PRH1: variants seen among roughly 807,000 people sequenced by gnomAD.
PRH1 encodes the protein proline rich protein HaeIII subfamily 1.
PRH1 carries 7 observed loss-of-function variants against 7.9 expected under a neutral mutation model. That is an observed-to-expected ratio of 0.89 (90% CI 0.50 to 1.67). PRH1 has a LOEUF of 1.67. Ranked by LOEUF, PRH1 falls within the 40% of genes most tolerant of loss-of-function variation. The probability of loss-of-function intolerance (pLI) is 0.00; values close to 1 mark genes in which losing one functional copy is unlikely to be tolerated. For missense variants in PRH1, 109 were observed against 223.6 expected, an observed-to-expected ratio of 0.49 and a Z score of 3.27; for synonymous variants, 45 against 80.8, an observed-to-expected ratio of 0.56 and a Z score of 2.38.
chr12:11,066,127 C>T (rs1212666339), intron 1 of PRH1, among the ~76,000 whole-genome samples: 3 of 151,762 alleles, frequency 2.0e-5, no homozygotes, highest in Admixed American at 1.3e-4. Context: ...GATTGAAGAA[C>T]TTTAAGTCTC....
intron 1 of PRH1, among the ~76,000 whole-genome samples, chr12:11,114,560 G>T (rs184309935): frequency 5.9e-5 from 9 of 152,084 alleles, no homozygotes; most frequent in African/African-American, 2.2e-4. Flanking sequence ...TGTAGATGAC[G>T]GGTTGATGGG....
intron 1 of PRH1, chr12:11,031,351 A>C: frequency 6.2e-7 from 1 of 1,608,388 alleles, no homozygotes; most frequent in South Asian, 1.1e-5. Context: ...AACAGACAAA[A>C]AAAAATTGTT....
At chr12:11,111,369 A>G (rs1286208370) in intron 1 of PRH1, among the ~76,000 whole-genome samples, 2 of 152,156 alleles carry the variant, frequency 1.3e-5, no homozygotes, top group Non-Finnish European at 2.9e-5. Context: ...GCACCACATC[A>G]CACTAATTCT....
intron 1 of PRH1, among the ~76,000 whole-genome samples, chr12:11,155,848 A>G (rs1947232138): frequency 6.6e-6 from 1 of 152,192 alleles, no homozygotes; most frequent in Non-Finnish European, 1.5e-5. Context: ...TCTCTTGGAT[A>G]TATAGCTAGA....
At chr12:11,021,950 T>C in intron 1 of PRH1, 1 of 1,613,900 alleles carries the variant, frequency 6.2e-7, no homozygotes, top group Non-Finnish European at 8.5e-7. Flanking sequence ...AGCCGCATCT[T>C]CTTGAGATGT....
At chr12:11,004,838 A>C (rs914146372) in intron 1 of PRH1, among the ~76,000 whole-genome samples, 1 of 152,148 alleles carries the variant, frequency 6.6e-6, no homozygotes, top group East Asian at 1.9e-4. Context: ...AGGATTGTTT[A>C]ACAACTCCTA....
chr12:11,084,178 G>A (rs899810658), intron 1 of PRH1, among the ~76,000 whole-genome samples: 1 of 118,366 alleles, frequency 8.4e-6, no homozygotes, highest in South Asian at 2.3e-4. Flanking sequence ...CCTTTGTTCC[G>A]TGGGCTCTTG....
chr12:11,121,111 C>A (rs2708338), exon 2 of PRH1: 69,777 of 152,986 alleles, frequency 0.46, 16,727 homozygotes, highest in Non-Finnish European at 0.53. Context: ...AGAAGAAGTT[C>A]CAAGGTTTAT....
chr12:11,048,805 T>A, upstream of PRH1: 1 of 295,544 alleles, frequency 3.4e-6, no homozygotes, highest in South Asian at 6.1e-5. Context: ...CCACACACTC[T>A]CACCCGTGGT....
At chr12:11,161,292 C>T (rs936410301) in intron 1 of PRH1, among the ~76,000 whole-genome samples, 11 of 152,106 alleles carry the variant, frequency 7.2e-5, no homozygotes, top group Admixed American at 7.2e-4. Context: ...TTGTTTGAAA[C>T]GTTTTACATT....
chr12:10,955,778 C>T (rs1937925386), intron 2 of PRH1, among the ~76,000 whole-genome samples: 1 of 152,086 alleles, frequency 6.6e-6, no homozygotes, highest in Admixed American at 6.5e-5. Context: ...TACAAACAAT[C>T]CTCCCAAACT....
intron 1 of PRH1, among the ~76,000 whole-genome samples, chr12:11,146,882 T>C (rs1360040274): frequency 6.6e-6 from 1 of 152,128 alleles, no homozygotes; most frequent in Admixed American, 6.5e-5. Context: ...AAAAAGTAAA[T>C]TACCTAAATA....
intron 1 of PRH1, among the ~76,000 whole-genome samples, chr12:11,105,599 T>C (rs547308065): frequency 6.6e-6 from 1 of 152,310 alleles, no homozygotes; most frequent in East Asian, 1.9e-4. Context: ...AAGTGAAAAG[T>C]GATTTCTCAT....
intron 1 of PRH1, among the ~76,000 whole-genome samples, chr12:11,086,337 A>AGC (rs1944695476): frequency 8.9e-6 from 1 of 112,410 alleles, no homozygotes; most frequent in African/African-American, 3.0e-5. Flanking sequence ...ACACTTAAAA[A>AGC]ACGTGTTCCA....
At chr12:11,062,394 G>A (rs1943650288) in intron 1 of PRH1, 2 of 1,326,254 alleles carry the variant, frequency 1.5e-6, no homozygotes, top group Non-Finnish European at 2.0e-6. Flanking sequence ...CACCTGATTT[G>A]TGTATGTGCT....
At chr12:11,077,395 C>T (rs980400787) in intron 1 of PRH1, 1 of 522,970 alleles carries the variant, frequency 1.9e-6, no homozygotes, top group Admixed American at 3.8e-5. Context: ...TAGTTTCCTG[C>T]TTCCCATAAT....
chr12:10,936,132 C>G (rs1287784954), intron 2 of PRH1, among the ~76,000 whole-genome samples: 1 of 151,884 alleles, frequency 6.6e-6, no homozygotes. Context: ...TCTCCTATCC[C>G]TCCCACCACC....
In PRH1 at chr12:10,915,834, G is replaced by A. The variant is rs534636086; in HGVS notation, c.-58-31559C>T. On this transcript the variant is annotated intron_variant, in intron 2 of 3. Coordinates refer to the PRH1 transcript ENST00000539853. ...TCTGTCCTATAAAAGCATCCCCATC[G>A]CGTTCCCTCGGTAGAGCTCCGGAAC... Among the ~76,000 whole-genome samples the A allele has an allele frequency of 5.3e-5, 8 of 152,110 alleles. No homozygotes were observed. In the South Asian group the frequency reaches 6.2e-4, roughly 12 times the overall value.
At chr12:10,937,130 C>G (rs1950300937) in intron 2 of PRH1, among the ~76,000 whole-genome samples, 1 of 151,940 alleles carries the variant, frequency 6.6e-6, no homozygotes, top group African/African-American at 2.4e-5. Context: ...TTATCTTCCC[C>G]TTTTGGAGAT....
Sources: gnomAD v4.1 joint callset for allele counts (sites outside exome capture counted in the v4.1 genomes callset) on GRCh38, gnomAD v4.1.1 for gene constraint, MANE v1.5 for transcripts, NCBI Gene and HGNC (gene_info 2026-07-23, HGNC 2026-07-21) for gene names.